Variants in PDE4D observed in about 807,000 individuals in gnomAD.
PDE4D encodes 3',5'-cyclic-AMP phosphodiesterase 4D.
A neutral mutation model predicts 87.4 loss-of-function variants in PDE4D; 24 were observed. The ratio of observed to expected loss-of-function variants is 0.27; its 90% CI spans 0.20 to 0.39. PDE4D has a LOEUF of 0.39. Ranked by LOEUF, PDE4D falls within the 10% of genes least tolerant of loss-of-function variation. The pLI is 1.00. For synonymous variants in PDE4D, 384 were observed against 383.2 expected (o/e 1.00, Z -0.02); for missense variants, 714 against 1,041.0 (o/e 0.69, Z 4.32).
chr5:60,270,355 A>G (rs1197259692), intron 1 of PDE4D, among the ~76,000 whole-genome samples: 1 of 152,202 alleles, frequency 6.6e-6, no homozygotes, highest in Non-Finnish European at 1.5e-5. Context: ...TTGCTCTTGA[A>G]TGTTCAAATC....
intron 1 of PDE4D, among the ~76,000 whole-genome samples, chr5:60,288,212 T>G (rs1752590940): frequency 6.6e-6 from 1 of 152,204 alleles, no homozygotes; most frequent in Non-Finnish European, 1.5e-5. Context: ...CTCAGATTCA[T>G]CTTCTTCTTG....
intron 1 of PDE4D, among the ~76,000 whole-genome samples, chr5:60,331,673 C>A (rs1328441823): frequency 6.6e-6 from 1 of 152,144 alleles, no homozygotes; most frequent in African/African-American, 2.4e-5. Flanking sequence ...AGAATGCTCA[C>A]CCTGTGGGGA....
intron 1 of PDE4D, among the ~76,000 whole-genome samples, chr5:59,681,678 C>T (rs564895617): frequency 6.6e-6 from 1 of 152,074 alleles, no homozygotes; most frequent in East Asian, 1.9e-4. Context: ...AGGTGGGTGG[C>T]TCACGAGGTC....
chr5:60,269,231 C>T (rs1476830088), intron 1 of PDE4D, among the ~76,000 whole-genome samples: 4 of 152,236 alleles, frequency 2.6e-5, no homozygotes, highest in South Asian at 4.1e-4. Flanking sequence ...CGCTTGAACC[C>T]GGGAGGCAGA....
intron 5 of PDE4D, among the ~76,000 whole-genome samples, chr5:59,099,797 C>G (rs1023516225): frequency 6.6e-6 from 1 of 151,908 alleles, no homozygotes; most frequent in Non-Finnish European, 1.5e-5. Context: ...TTGCTCTTAC[C>G]TCTTATCTCT....
intron 1 of PDE4D, among the ~76,000 whole-genome samples, chr5:59,309,087 C>G (rs1174423590): frequency 1.2e-4 from 18 of 152,100 alleles, no homozygotes; most frequent in Non-Finnish European, 2.4e-4. Context: ...AATGGCTAGT[C>G]TCACTCTCAC....
chr5:59,542,904 AT>A (rs1443712553), intron 1 of PDE4D, among the ~76,000 whole-genome samples: 3 of 152,192 alleles, frequency 2.0e-5, no homozygotes. Context: ...AGAAATACTA[AT>A]CAACTGAAAC....
chr5:59,523,226 T>G (rs1200164458), intron 1 of PDE4D, among the ~76,000 whole-genome samples: 1 of 152,234 alleles, frequency 6.6e-6, no homozygotes, highest in African/African-American at 2.4e-5. Context: ...GCAGAAGCCC[T>G]GTGGTCCACA....
intron 5 of PDE4D, among the ~76,000 whole-genome samples, chr5:59,123,529 T>C (rs1437168200): frequency 6.6e-6 from 1 of 152,216 alleles, no homozygotes; most frequent in Non-Finnish European, 1.5e-5. Flanking sequence ...GCCATCAAAA[T>C]ATTGATTTTA....
In PDE4D at chr5:58,989,898, A is replaced by G. The variant is rs1402900056; in HGVS notation, c.1309T>C (p.Phe437Leu). 1 of 1,539,260 alleles carries G rather than the reference A, an allele frequency of 6.5e-7. No individual in the cohort carries two copies. The highest frequency in any genetic ancestry group is 8.9e-7 in the Non-Finnish European group (1 of 1,120,522). The change falls in exon 10 of 15, where the codon TTT (phenylalanine) becomes CTT (leucine). Residue 437 changes from phenylalanine to leucine, a missense_variant. By Grantham distance (22) the Phe-to-Leu change is conservative. Around this residue, in one of 7 missense-constraint regions of PDE4D, gnomAD observed 141 missense variants for 204.3 expected, o/e 0.69. Transcript: ENST00000340635. The part of the protein sequence containing the change: ...IFQERDLLKT[F>L]KIPVDTLITY... ...ATTAAAGTATCTACTGGAATTTTAA[A>G]TGTTTTTAATAAATCCCGTTCCTGT...
chr5:60,340,535 G>A (rs1758216917), intron 1 of PDE4D, among the ~76,000 whole-genome samples: 1 of 148,296 alleles, frequency 6.7e-6, no homozygotes, highest in African/African-American at 2.5e-5. Context: ...CTTCTTTCCT[G>A]ACAAAGTTGT....
intron 1 of PDE4D, among the ~76,000 whole-genome samples, chr5:59,641,786 A>C (rs1741623955): frequency 2.0e-5 from 3 of 152,198 alleles, no homozygotes; most frequent in Non-Finnish European, 4.4e-5. Flanking sequence ...AAAGATTTAG[A>C]AGACAATATG....
At chr5:59,444,065 C>T (rs1798010523) in intron 1 of PDE4D, among the ~76,000 whole-genome samples, 3 of 152,194 alleles carry the variant, frequency 2.0e-5, no homozygotes, top group African/African-American at 7.2e-5. Flanking sequence ...TGCTTTTCTG[C>T]AACGACACGC....
At chr5:60,376,936 C>T (rs1385025650) in intron 1 of PDE4D, among the ~76,000 whole-genome samples, 2 of 152,226 alleles carry the variant, frequency 1.3e-5, no homozygotes, top group African/African-American at 4.8e-5. Context: ...TTCATCACAA[C>T]TTGTGTTTTC....
At chr5:59,726,828 T>C (rs1373409408) in intron 1 of PDE4D, among the ~76,000 whole-genome samples, 6 of 152,128 alleles carry the variant, frequency 3.9e-5, no homozygotes, top group Non-Finnish European at 5.9e-5. Flanking sequence ...TGCATACATA[T>C]ATGTAAACTA....
intron 2 of PDE4D, among the ~76,000 whole-genome samples, chr5:60,049,835 C>T (rs1332549466): frequency 6.6e-6 from 1 of 152,176 alleles, no homozygotes; most frequent in African/African-American, 2.4e-5. Context: ...CTGTGCCCTG[C>T]CCCCAGAGGT....
At chr5:60,157,994 T>C (rs182537509) in intron 2 of PDE4D, among the ~76,000 whole-genome samples, 138 of 151,980 alleles carry the variant, frequency 9.1e-4, no homozygotes, top group African/African-American at 3.3e-3. Flanking sequence ...TGTGATAGAA[T>C]ATCCTATATC....
intron 1 of PDE4D, among the ~76,000 whole-genome samples, chr5:59,346,423 G>A (rs1779610110): frequency 3.3e-5 from 5 of 152,014 alleles, no homozygotes; most frequent in Admixed American, 2.6e-4. Context: ...AGGAAGGCAA[G>A]ACTGCGAGAC....
intron 1 of PDE4D, among the ~76,000 whole-genome samples, chr5:59,382,742 A>G (rs980206322): frequency 6.6e-6 from 1 of 152,022 alleles, no homozygotes; most frequent in African/African-American, 2.4e-5. Flanking sequence ...AACAATGAAA[A>G]AAGAAAAGGT....
Sources: gnomAD v4.1 joint callset for allele counts (sites outside exome capture counted in the v4.1 genomes callset) on GRCh38, gnomAD v4.1.1 for gene constraint, gnomAD v4.1.1 regional missense constraint, MANE v1.5 for transcripts, NCBI Gene and HGNC (gene_info 2026-07-23, HGNC 2026-07-21) for gene names.